NCF2: variants seen among roughly 807,000 people sequenced by gnomAD.
NCF2 encodes neutrophil cytosolic factor 2, also known as neutrophil cytosol factor 2.
NCF2 carries 45 observed loss-of-function variants against 70.9 expected under a neutral mutation model. That is an observed-to-expected ratio of 0.63 (90% CI 0.50 to 0.81). The LOEUF is 0.81. Ranked by LOEUF, NCF2 falls within the 40% of genes least tolerant of loss-of-function variation. The pLI, the probability that NCF2 is intolerant of heterozygous loss-of-function variation, is 0.00. For synonymous variants in NCF2, 203 were observed against 233.6 expected, an observed-to-expected ratio of 0.87 and a Z score of 1.19; for missense variants, 522 against 631.6, an observed-to-expected ratio of 0.83 and a Z score of 1.86.
In NCF2 at chr1:183,567,602, T is replaced by G. The variant is rs949050684; in HGVS notation, c.714-257A>C. Reference sequence around the variant, plus strand: ...CCCACAACACTAGATAGTGAGGACTTACAATCCTTGCCCTCCCTTCTGCTC... The same window carrying G: ...CCCACAACACTAGATAGTGAGGACTGACAATCCTTGCCCTCCCTTCTGCTC... On this transcript the variant is annotated intron_variant, in intron 7 of 14. Transcript: ENST00000367535. 1.0e-5 allele frequency: 6 copies of G among 573,718 alleles called. No individual in the cohort carries two copies. The African/African-American group carries it at 1.1e-4, about 11-fold the overall frequency. The allele number at this position is 573,718 out of a possible 1,614,324, so 35.5% of individuals were successfully genotyped here. A position where few individuals can be genotyped will look rare whatever the true frequency, so the allele number is the denominator to read the frequency against.
the NCF2 span, among the ~76,000 whole-genome samples, chr1:183,595,925 T>C: frequency 6.6e-6 from 1 of 152,172 alleles, no homozygotes; most frequent in African/African-American, 2.4e-5. Context: ...GGGATCATCT[T>C]AGAATTCCAC....
At chr1:183,575,815 A>G (rs531062684) in intron 3 of NCF2, among the ~76,000 whole-genome samples, 1 of 152,306 alleles carries the variant, frequency 6.6e-6, no homozygotes, top group South Asian at 2.1e-4. Context: ...CCAAACTCAG[A>G]CAGGTGGAAG....
At chr1:183,580,204 T>C (rs1401813150) in intron 2 of NCF2, among the ~76,000 whole-genome samples, 1 of 152,162 alleles carries the variant, frequency 6.6e-6, no homozygotes, top group African/African-American at 2.4e-5. Context: ...AGGATGGCTT[T>C]CTCTAGTATC....
In NCF2 at chr1:183,569,244, G is replaced by C. The variant is rs533070652; in HGVS notation, c.670-59C>G. The C allele has an allele frequency of 1.4e-5, 20 of 1,436,712 alleles. No individual in the cohort carries two copies. In the African/African-American group the frequency reaches 2.4e-4, roughly 17 times the overall value. The allele number at this position is 1,436,712 out of a possible 1,614,324, so 89.0% of individuals were successfully genotyped here. On this transcript the variant is annotated intron_variant, in intron 6 of 14. Coordinates refer to ENST00000367535, the MANE Select transcript of NCF2 (RefSeq NM_000433.4). Reference sequence around the variant, plus strand: ...AGGCAATGAGGGAAAGCAGGGGAGAGACAACAAACGGCTAATGGTAATTTG... The same window carrying C: ...AGGCAATGAGGGAAAGCAGGGGAGACACAACAAACGGCTAATGGTAATTTG...
intron 11 of NCF2, 76 bp from the exon 12 acceptor site, chr1:183,563,661 G>A (rs931899851): frequency 3.8e-5 from 60 of 1,583,928 alleles, no homozygotes; most frequent in Non-Finnish European, 4.5e-5. Flanking sequence ...CCGCAGTTTC[G>A]TGATTTGGCA....
intron 2 of NCF2, among the ~76,000 whole-genome samples, chr1:183,584,800 G>A (rs1031874183): frequency 2.0e-5 from 3 of 152,120 alleles, no homozygotes; most frequent in Non-Finnish European, 4.4e-5. Context: ...GAGGCAAGAC[G>A]TCGGTCAAGA....
chr1:183,561,680 A>G (rs937492503), intron 13 of NCF2, among the ~76,000 whole-genome samples: 1 of 145,956 alleles, frequency 6.9e-6, no homozygotes, highest in Non-Finnish European at 1.5e-5. Flanking sequence ...GGGTTTCACC[A>G]TGTTGGCCAG....
In NCF2 at chr1:183,577,631, G is replaced by C; in HGVS notation, c.334C>G (p.Leu112Val). 6.2e-7 allele frequency: 1 copy of C among 1,613,950 alleles called. No homozygotes were observed. Among genetic ancestry groups the C allele is most frequent in the Non-Finnish European group, 8.5e-7 (1 of 1,179,872 alleles). Residue 112 changes from leucine (L) to valine (V), a missense_variant, in exon 3 of 15, where the codon CTG becomes GTG. Transcript: ENST00000367535. ...GCAAACAGCTTGAACTGGAGCCCCAGGATCTTATAGTCTATCAGCTGGTTC... is the reference window on the plus strand; with the variant it reads ...GCAAACAGCTTGAACTGGAGCCCCACGATCTTATAGTCTATCAGCTGGTTC... ...RGNQLIDYKI[L>V]GLQFKLFACE...
At chr1:183,598,482 T>C in the NCF2 span, among the ~76,000 whole-genome samples, 1 of 151,770 alleles carries the variant, frequency 6.6e-6, no homozygotes, top group African/African-American at 2.4e-5. Context: ...GCACAGATGA[T>C]GGAAGCCATG....
Position 183,590,194 on chromosome 1 carries a change from T to C in NCF2, c.136A>G (p.Met46Val). 1.9e-6 allele frequency: 3 copies of C among 1,614,204 alleles called. No homozygotes were observed. The highest frequency in any genetic ancestry group is 2.5e-6 in the Non-Finnish European group (3 of 1,180,036). ...GTCATGTTCTTCAGGATAGTGTACA[T>C]GCAGCCAATGTTGAAGCAAATCCGG... ...HSRICFNIGC[M>V]YTILKNMTEA... The change falls in exon 1 of 15, where the codon ATG becomes GTG. Residue 46 changes from methionine (M) to valine (V), a missense_variant. By Grantham distance (21) the Met-to-Val change is conservative (BLOSUM62 1). Coordinates refer to ENST00000367535, the MANE Select transcript of NCF2 (RefSeq NM_000433.4).
At chr1:183,577,474 G>A in intron 3 of NCF2, 125 bp downstream of exon 3, 1 of 759,840 alleles carries the variant, frequency 1.3e-6, no homozygotes. Flanking sequence ...GAGTCTCAAG[G>A]CAGAGGAGGC....
At chr1:183,570,356 G>A (rs1480956812) in intron 6 of NCF2, among the ~76,000 whole-genome samples, 2 of 152,238 alleles carry the variant, frequency 1.3e-5, no homozygotes, top group Non-Finnish European at 2.9e-5. Context: ...ATGAGCAGAT[G>A]GGTAGAGCCA....
chr1:183,558,157 A>T (rs2102871629), intron 14 of NCF2, among the ~76,000 whole-genome samples: 1 of 152,150 alleles, frequency 6.6e-6, no homozygotes, highest in African/African-American at 2.4e-5. Flanking sequence ...TACCAGCATG[A>T]GCCACCACGC....
the NCF2 span, among the ~76,000 whole-genome samples, chr1:183,595,986 TA>T: frequency 6.6e-6 from 1 of 152,134 alleles, no homozygotes; most frequent in Non-Finnish European, 1.5e-5. Context: ...CCAGTGAGAT[TA>T]ATTATTCCTG....
At chr1:183,588,966 C>G (rs1269609534) in intron 1 of NCF2, among the ~76,000 whole-genome samples, 8 of 152,222 alleles carry the variant, frequency 5.3e-5, no homozygotes, top group African/African-American at 1.9e-4. Flanking sequence ...TTGTGTCCAT[C>G]AGCCCTCAGA....
At chr1:183,585,277 C>T (rs1256446603) in intron 2 of NCF2, among the ~76,000 whole-genome samples, 1 of 152,120 alleles carries the variant, frequency 6.6e-6, no homozygotes, top group African/African-American at 2.4e-5. Flanking sequence ...CCATCCACGC[C>T]CGGCCTCACC....
At chr1:183,600,648 C>T in the NCF2 span, among the ~76,000 whole-genome samples, 16 of 151,978 alleles carry the variant, frequency 1.1e-4, no homozygotes, top group Admixed American at 8.5e-4. Context: ...CAACTACCAA[C>T]GCAGACATGG....
In NCF2 at chr1:183,563,213, CAG is replaced by C. The variant is rs765868844; in HGVS notation, c.1270_1271del (p.Leu424ValfsTer3). ...CACTCACCACTGTGTTCTCACACCA[CAG>C]AGTCAGGCAGTAGTTTTTCACCTGG... ...WGQVKNYCLT[L>X]WCENTVGDQG... is the part of the protein sequence containing the mutation. On this transcript the variant is annotated frameshift_variant, in exon 13 of 15. Transcript: ENST00000367535. LOFTEE classifies it high-confidence loss of function. 3 of 1,614,204 alleles carry C rather than the reference CAG, an allele frequency of 1.9e-6. No individual in the cohort carries two copies. The highest frequency in any genetic ancestry group is 1.1e-5 in the South Asian group (1 of 91,084).
intron 6 of NCF2, among the ~76,000 whole-genome samples, chr1:183,570,175 C>T (rs1416855070): frequency 3.9e-5 from 6 of 152,198 alleles, no homozygotes; most frequent in African/African-American, 4.8e-5. Context: ...CCACAGAGTT[C>T]GTATTTTCCT....
Sources: gnomAD v4.1 joint callset for allele counts (sites outside exome capture counted in the v4.1 genomes callset) on GRCh38, gnomAD v4.1.1 for gene constraint, MANE v1.5 for transcripts, NCBI Gene and HGNC (gene_info 2026-07-23, HGNC 2026-07-21) for gene names.